Variants in C10orf90 observed in about 807,000 individuals in gnomAD.
The protein encoded by C10orf90 is (E2-independent) E3 ubiquitin-conjugating enzyme FATS.
In C10orf90, 56 loss-of-function variants were observed where a neutral mutation model predicts 62.5. The ratio of observed to expected loss-of-function variants is 0.90; its 90% CI spans 0.72 to 1.12. The LOEUF is 1.12. Among genes scored for constraint, C10orf90 ranks in the 50% most tolerant of loss-of-function variants. The pLI is 0.00. For synonymous variants in C10orf90, 386 were observed against 340.4 expected, an observed-to-expected ratio of 1.13 and a Z score of -1.47; for missense variants, 970 against 880.4, an observed-to-expected ratio of 1.10 and a Z score of -1.29.
At chr10:126,603,291 C>T (rs115718326) in intron 2 of C10orf90, among the ~76,000 whole-genome samples, 294 of 152,226 alleles carry the variant, frequency 1.9e-3, no homozygotes, top group Non-Finnish European at 3.1e-3. Flanking sequence ...TCCTTCTTCA[C>T]GTGGCGGCAT....
rs568479149 is a variant in C10orf90, at chr10:126,630,064, C to T, written c.313+16501G>A. Among the ~76,000 whole-genome samples, 40 of 152,332 alleles carry T rather than the reference C, an allele frequency of 2.6e-4. 1 individual carries two copies. The highest frequency in any genetic ancestry group is 9.4e-4 in the African/African-American group (39 of 41,570). ...CTTAAAATATAGATAATAAAAATAGCGGCTGCCTGTGTGTGCACTGCATGC... is the reference window on the plus strand; with the variant it reads ...CTTAAAATATAGATAATAAAAATAGTGGCTGCCTGTGTGTGCACTGCATGC... On this transcript the variant is annotated intron_variant, in intron 2 of 9. Coordinates refer to ENST00000488181, the MANE Select transcript of C10orf90 (RefSeq NM_001350921.2).
At chr10:126,658,535 G>A (rs1846441996) in intron 1 of C10orf90, among the ~76,000 whole-genome samples, 1 of 152,236 alleles carries the variant, frequency 6.6e-6, no homozygotes, top group Non-Finnish European at 1.5e-5. Flanking sequence ...GAATCCACCT[G>A]TGAGTTAAAT....
intron 2 of C10orf90, among the ~76,000 whole-genome samples, chr10:126,628,807 C>G (rs992308270): frequency 2.0e-5 from 3 of 152,214 alleles, no homozygotes; most frequent in Non-Finnish European, 4.4e-5. Flanking sequence ...TGCCTGCCCA[C>G]CACTCACTCT....
intron 4 of C10orf90, among the ~76,000 whole-genome samples, chr10:126,489,329 T>TA (rs1193596574): frequency 1.3e-5 from 2 of 151,914 alleles, no homozygotes; most frequent in African/African-American, 4.8e-5. Context: ...CACCAATGCA[T>TA]AAAAAAGTTC....
Position 126,504,535 on chromosome 10 carries a change from T to A in C10orf90, c.956A>T (p.Tyr319Phe). Residue 319 changes from tyrosine to phenylalanine, a missense_variant, in exon 4 of 10, where the codon TAC (tyrosine) becomes TTC (phenylalanine). Tyr to Phe is a conservative substitution (Grantham distance 22). Transcript: ENST00000488181. This position sits in a 1 kb window ranked among gnomAD's most constrained non-coding sequence, Gnocchi z 4.1. ...TTTGTCGTCTGCATGGGTGACCCAG[T>A]ACTTGCGTCTCTCACACAACCCAGT... ...AHTGLCERRK[Y>F]WVTHADDKET... The A allele has an allele frequency of 6.2e-7, 1 of 1,614,242 alleles. No homozygotes were observed. The highest frequency in any genetic ancestry group is 8.5e-7 in the Non-Finnish European group (1 of 1,180,038).
intron 2 of C10orf90, among the ~76,000 whole-genome samples, chr10:126,616,400 C>A (rs11245062): frequency 6.4e-4 from 97 of 152,218 alleles, no homozygotes; most frequent in Admixed American, 3.5e-3. Context: ...GAGAGAAGTA[C>A]GGCAATTAAT....
chr10:126,594,745 A>C (rs1218072036), intron 2 of C10orf90, among the ~76,000 whole-genome samples: 1 of 152,116 alleles, frequency 6.6e-6, no homozygotes, highest in Non-Finnish European at 1.5e-5. Context: ...CATTCCAGGC[A>C]AAGGGATCAG....
Position 126,448,017 on chromosome 10 carries a change from C to CTT in C10orf90, c.2188+11021_2188+11022dup, listed in dbSNP as rs1186409126. Among the ~76,000 whole-genome samples the CTT allele has an allele frequency of 1.3e-3, 101 of 79,210 alleles. 2 individuals carry two copies. The highest frequency in any genetic ancestry group is 1.6e-3 in the Admixed American group (10 of 6,068). 52.0% of individuals were successfully genotyped at this position (79,210 alleles called of 152,430 possible). On this transcript the variant is annotated intron_variant, in intron 7 of 9. Coordinates refer to ENST00000488181, the MANE Select transcript of C10orf90 (RefSeq NM_001350921.2). ...CAGGAGCCTGCCACCATGCCTGGCT[C>CTT]TTTTTTTTTTTTTTTTTTTTTTTTT...
rs1021732779 is a variant in C10orf90, at chr10:126,504,754, G to C, written c.737C>G (p.Pro246Arg). ...SITITARRVG[P>R]PARALVWGTA... ...CCCCCACACCAGGGCGCGGGCTGGGGGGCCCACGCGTCTGGCCGTGATGGT... is the reference window on the plus strand; with the variant it reads ...CCCCCACACCAGGGCGCGGGCTGGGCGGCCCACGCGTCTGGCCGTGATGGT... Residue 246 changes from proline to arginine, a missense_variant, in exon 4 of 10, where the codon CCC (proline) becomes CGC (arginine). Coordinates refer to ENST00000488181, the MANE Select transcript of C10orf90 (RefSeq NM_001350921.2). The surrounding 1 kb of genome is among the most constrained non-coding windows in gnomAD (Gnocchi z 4.1). 1.3e-6 allele frequency: 2 copies of C among 1,590,394 alleles called. No homozygotes were observed. The highest frequency in any genetic ancestry group is 8.6e-7 in the Non-Finnish European group (1 of 1,167,704).
intron 2 of C10orf90, among the ~76,000 whole-genome samples, chr10:126,617,203 C>G (rs951057623): frequency 6.6e-6 from 1 of 152,128 alleles, no homozygotes; most frequent in Non-Finnish European, 1.5e-5. Context: ...ACTACTGTAC[C>G]CACTCACATC....
chr10:126,667,704 A>T (rs1846660447), intron 1 of C10orf90, among the ~76,000 whole-genome samples: 1 of 152,172 alleles, frequency 6.6e-6, no homozygotes, highest in African/African-American at 2.4e-5. Flanking sequence ...CTGCATAGAG[A>T]GTCTCAGAAA....
At chr10:126,488,826 GC>G (rs1861568598) in intron 4 of C10orf90, among the ~76,000 whole-genome samples, 1 of 151,976 alleles carries the variant, frequency 6.6e-6, no homozygotes, top group Non-Finnish European at 1.5e-5. Flanking sequence ...GACACAAATT[GC>G]CCAAACACTT....
At chr10:126,612,817 TA>T (rs1434445990) in intron 2 of C10orf90, among the ~76,000 whole-genome samples, 1 of 152,156 alleles carries the variant, frequency 6.6e-6, no homozygotes, top group Non-Finnish European at 1.5e-5. Flanking sequence ...TACGTGTTTC[TA>T]AAAAAAGAAG....
At chr10:126,529,235 C>A (rs1392972668) in intron 2 of C10orf90, among the ~76,000 whole-genome samples, 4 of 152,110 alleles carry the variant, frequency 2.6e-5, no homozygotes, top group Non-Finnish European at 5.9e-5. Context: ...TAATCTAAAA[C>A]CTTAAACGCA....
intron 2 of C10orf90, among the ~76,000 whole-genome samples, chr10:126,581,364 T>G (rs1431417839): frequency 1.3e-5 from 2 of 152,150 alleles, no homozygotes; most frequent in Non-Finnish European, 2.9e-5. Context: ...TAGGAACACA[T>G]CATTGATCTG....
chr10:126,658,425 C>T (rs1846439742), intron 1 of C10orf90, among the ~76,000 whole-genome samples: 1 of 152,176 alleles, frequency 6.6e-6, no homozygotes, highest in Non-Finnish European at 1.5e-5. Flanking sequence ...AAATTAAAAA[C>T]AGTTGAGTTG....
intron 2 of C10orf90, among the ~76,000 whole-genome samples, chr10:126,642,709 A>C (rs1846090220): frequency 6.6e-6 from 1 of 152,068 alleles, no homozygotes; most frequent in African/African-American, 2.4e-5. Context: ...CCTCGTGTAC[A>C]CCATGATGAT....
chr10:126,569,956 G>T (rs956233633), intron 2 of C10orf90, among the ~76,000 whole-genome samples: 6 of 152,172 alleles, frequency 3.9e-5, no homozygotes, highest in African/African-American at 1.4e-4. Context: ...TTTTTAGCTG[G>T]TGACTTCACA....
chr10:126,496,606 A>G, intron 4 of C10orf90: 1 of 961,250 alleles, frequency 1.0e-6, no homozygotes, highest in East Asian at 1.1e-4. Flanking sequence ...CCTCCACTTC[A>G]ATTTTAAACC....
Sources: allele counts gnomAD v4.1 joint callset (sites outside exome capture counted in the v4.1 genomes callset), GRCh38; gene constraint gnomAD v4.1.1; non-coding constraint Gnocchi (gnomAD v3.1); transcripts MANE v1.5; gene names NCBI Gene and HGNC (gene_info 2026-07-23, HGNC 2026-07-21).